MAU2: variants seen among roughly 807,000 people sequenced by gnomAD.
MAU2 encodes MAU2 chromatid cohesion factor homolog.
A neutral mutation model predicts 89.1 loss-of-function variants in MAU2; 9 were observed. The ratio of observed to expected loss-of-function variants is 0.10; its 90% CI spans 0.06 to 0.18. The LOEUF (loss-of-function observed/expected upper bound fraction) is 0.18, where lower values mean the gene tolerates loss of function less well. MAU2 is among the 10% of genes least tolerant of loss of function. The probability of loss-of-function intolerance (pLI) is 1.00; values close to 1 mark genes in which losing one functional copy is unlikely to be tolerated. For missense variants in MAU2, 425 were observed against 803.5 expected, an observed-to-expected ratio of 0.53 and a Z score of 5.69; for synonymous variants, 357 against 343.4, an observed-to-expected ratio of 1.04 and a Z score of -0.44.
intron 1 of MAU2, among the ~76,000 whole-genome samples, chr19:19,329,978 TA>T (rs1202374294): frequency 6.7e-6 from 1 of 148,246 alleles, no homozygotes; most frequent in Admixed American, 6.6e-5. Flanking sequence ...TTTATTTATT[TA>T]TTTATTTTTT....
chr19:19,346,329 C>T (rs1014771647), intron 12 of MAU2, among the ~76,000 whole-genome samples: 12 of 152,160 alleles, frequency 7.9e-5, no homozygotes, highest in African/African-American at 2.7e-4. Context: ...CTCCGTCTCA[C>T]TCCCCACAAG....
intron 1 of MAU2, among the ~76,000 whole-genome samples, chr19:19,333,346 C>A (rs1241817658): frequency 1.3e-5 from 2 of 152,196 alleles, no homozygotes; most frequent in South Asian, 4.1e-4. Context: ...ATTAGCCAGA[C>A]GTGGTGGTTC....
At chr19:19,333,280 C>T (rs2061570387) in intron 1 of MAU2, among the ~76,000 whole-genome samples, 1 of 152,120 alleles carries the variant, frequency 6.6e-6, no homozygotes, top group South Asian at 2.1e-4. Flanking sequence ...AGCCTAGGAA[C>T]TCGAGACCAG....
At position 19,347,309 on chromosome 19, in the gene MAU2, C is replaced by T; in HGVS notation, c.1251C>T (p.Phe417=). ...CCAACCACCAGGAGCTGTGGGCCTTCATCGTCACCAACCTGGCGAGTGTGT... is the reference window on the plus strand; with the variant it reads ...CCAACCACCAGGAGCTGTGGGCCTTTATCGTCACCAACCTGGCGAGTGTGT... ...RLTNHQELWA[F]IVTNLASVYI... The change falls in exon 13 of 19, where the codon TTC becomes TTT. Residue 417 remains phenylalanine (F), a synonymous_variant. Coordinates refer to ENST00000262815, the MANE Select transcript of MAU2 (RefSeq NM_015329.4). The T allele has an allele frequency of 6.2e-7, 1 of 1,613,946 alleles. No homozygotes were observed. Among genetic ancestry groups the T allele is most frequent in the Non-Finnish European group, 8.5e-7 (1 of 1,179,952 alleles).
Position 19,345,019 on chromosome 19 carries a change from C to T in MAU2, c.1155+93C>T. 9.0e-7 allele frequency: 1 copy of T among 1,113,544 alleles called. No homozygotes were observed. Among genetic ancestry groups the T allele is most frequent in the Non-Finnish European group, 1.3e-6 (1 of 748,196 alleles). 69.0% of individuals were successfully genotyped at this position (1,113,544 alleles called of 1,614,324 possible). On this transcript the variant is annotated intron_variant, in intron 11 of 18. Coordinates refer to ENST00000262815, the MANE Select transcript of MAU2 (RefSeq NM_015329.4). The surrounding 1 kb of genome is among the most constrained non-coding windows in gnomAD (Gnocchi z 4.9). ...ATCCAGAACATTCCCAGTGAAGGAC[C>T]CCCTGACAGCACCCTAATCAGAATC...
At chr19:19,344,045 C>A in intron 10 of MAU2, 105 bp downstream of exon 10, 1 of 874,240 alleles carries the variant, frequency 1.1e-6, no homozygotes. Flanking sequence ...CAGGCCAGCC[C>A]ATCCTGCTGT....
In MAU2 at chr19:19,338,865, G is replaced by A. The variant is rs1334218433; in HGVS notation, c.477G>A (p.Lys159=). 20 of 1,613,614 alleles carry A rather than the reference G, an allele frequency of 1.2e-5. No individual in the cohort carries two copies. The highest frequency in any genetic ancestry group is 5.0e-5 in the Admixed American group (3 of 59,962). ...FQLAQLHTLE[K]DLVSACDLLG... ...TTTAGCAACTGCACACGCTTGAGAA[G>A]GACCTGGTGTCGGCCTGTGACCTCC... Residue 159 remains lysine, a synonymous_variant, in exon 5 of 19, where the codon AAG becomes AAA. Coordinates refer to ENST00000262815, the MANE Select transcript of MAU2 (RefSeq NM_015329.4).
At chr19:19,323,473 T>C (rs1467052394) in intron 1 of MAU2, among the ~76,000 whole-genome samples, 1 of 152,150 alleles carries the variant, frequency 6.6e-6, no homozygotes, top group Non-Finnish European at 1.5e-5. Context: ...GGATTATAGG[T>C]GTGAGTCACC....
intron 18 of MAU2, 134 bp from the exon 19 acceptor site, chr19:19,355,574 C>T (rs776502965): frequency 2.1e-5 from 25 of 1,180,796 alleles, no homozygotes; most frequent in African/African-American, 3.0e-5. Context: ...GGTGTCTCCT[C>T]GGGGCCCATT....
Position 19,355,829 on chromosome 19 carries a change from C to A in MAU2, c.*47C>A. 1 of 1,542,672 alleles carries A rather than the reference C, an allele frequency of 6.5e-7. No individual in the cohort carries two copies. The highest frequency in any genetic ancestry group is 8.9e-7 in the Non-Finnish European group (1 of 1,128,024). On this transcript the variant is annotated 3_prime_UTR_variant, in exon 19 of 19. Coordinates refer to ENST00000262815, the MANE Select transcript of MAU2 (RefSeq NM_015329.4). ...CTCCGCAGGGCCTGCGCGTCTCCGGCTTCCACCCAGACGGCACTCAAGCCT... is the reference window on the plus strand; with the variant it reads ...CTCCGCAGGGCCTGCGCGTCTCCGGATTCCACCCAGACGGCACTCAAGCCT...
In MAU2 at chr19:19,357,078, G is replaced by C. The variant is rs1176095220; in HGVS notation, c.*1296G>C. On this transcript the variant is annotated 3_prime_UTR_variant, in exon 19 of 19. Transcript: ENST00000262815. ...TCACTCAGTGGAACTGCCTCTGGGA[G>C]CTTTGGCGTCTGTGACTAAAGGGAC... is the stretch of plus-strand genomic sequence containing the variant. 6.6e-6 allele frequency: 1 copy of C among 152,320 alleles called. No homozygotes were observed. Among genetic ancestry groups the C allele is most frequent in the Admixed American group, 6.5e-5 (1 of 15,274 alleles). 9.4% of individuals were successfully genotyped at this position (152,320 alleles called of 1,614,324 possible).
At chr19:19,328,822 A>T (rs7247309) in intron 1 of MAU2, among the ~76,000 whole-genome samples, 87,510 of 151,962 alleles carry the variant, frequency 0.58, 26,624 homozygotes, top group East Asian at 0.68. Context: ...GCCACCCAGG[A>T]CTAAATGCCG....
At chr19:19,324,868 T>A (rs1403763037) in intron 1 of MAU2, among the ~76,000 whole-genome samples, 1 of 152,172 alleles carries the variant, frequency 6.6e-6, no homozygotes, top group African/African-American at 2.4e-5. Context: ...CGTTTGTGAA[T>A]TTTTTTTGTG....
intron 1 of MAU2, among the ~76,000 whole-genome samples, chr19:19,326,706 A>ATATATATATACACATATATATGTGTG (rs1555792839): frequency 3.4e-5 from 3 of 87,012 alleles, no homozygotes; most frequent in African/African-American, 7.0e-5. Flanking sequence ...ATATATGTAT[A>ATATATATATACACATATATATGTGTG]TATATATATA....
intron 1 of MAU2, chr19:19,328,981 G>A: frequency 2.2e-6 from 1 of 452,778 alleles, no homozygotes; most frequent in Non-Finnish European, 4.4e-6. Context: ...CTTTTTAATG[G>A]TGGTTTTGCT....
chr19:19,335,657 G>A (rs544932261), intron 1 of MAU2, 61 bp from the exon 2 acceptor site: 65 of 1,583,266 alleles, frequency 4.1e-5, no homozygotes, highest in Non-Finnish European at 5.6e-5. Context: ...CCCAGAGCGA[G>A]CCAGTAACCA....
rs180904624 is a variant in MAU2 at position 19,340,124 on chromosome 19, C to T, written c.552-722C>T. On this transcript the variant is annotated intron_variant, in intron 5 of 18. Transcript: ENST00000262815. ...AGGTTGCAGTGAGCTGAGATCGCGCCACTGCACTCCAGCCTGGGCGACAGA... is the reference window on the plus strand; with the variant it reads ...AGGTTGCAGTGAGCTGAGATCGCGCTACTGCACTCCAGCCTGGGCGACAGA... Among the ~76,000 whole-genome samples the T allele has an allele frequency of 1.3e-3, 196 of 149,420 alleles. 1 individual carries two copies. The highest frequency in any genetic ancestry group is 4.4e-3 in the African/African-American group (180 of 40,460).
chr19:19,355,806 C>CCG lies in MAU2; in HGVS notation c.*26_*27dup. ...GAGGCCTTGATGGGGCCATCCAGCT[C>CCG]CGCAGGGCCTGCGCGTCTCCGGCTT... On this transcript the variant is annotated 3_prime_UTR_variant, in exon 19 of 19. Coordinates refer to ENST00000262815, the MANE Select transcript of MAU2 (RefSeq NM_015329.4). 6.3e-7 allele frequency: 1 copy of CCG among 1,598,130 alleles called. No individual in the cohort carries two copies.
At chr19:19,329,793 TAA>T (rs531975850) in intron 1 of MAU2, among the ~76,000 whole-genome samples, 11 of 140,812 alleles carry the variant, frequency 7.8e-5, no homozygotes, top group Admixed American at 7.1e-5. Flanking sequence ...CCCTGTCTCT[TAA>T]AAAAAAAAAA....
Sources: allele counts gnomAD v4.1 joint callset (sites outside exome capture counted in the v4.1 genomes callset), GRCh38; gene constraint gnomAD v4.1.1; non-coding constraint Gnocchi (gnomAD v3.1); transcripts MANE v1.5; gene names NCBI Gene and HGNC (gene_info 2026-07-23, HGNC 2026-07-21).